ATP6V0D2: variants seen among roughly 807,000 people sequenced by gnomAD.
ATP6V0D2 encodes the protein ATPase H+ transporting V0 subunit d2.
Under a neutral mutation model 40.0 loss-of-function variants are expected in ATP6V0D2, and 40 were observed. The ratio of observed to expected loss-of-function variants is 1.00; its 90% CI spans 0.78 to 1.30. The LOEUF (loss-of-function observed/expected upper bound fraction) is 1.30, where lower values mean the gene tolerates loss of function less well. Ranked by LOEUF, ATP6V0D2 falls within the 50% of genes most tolerant of loss-of-function variation. ATP6V0D2 has a pLI of 0.00. For missense variants in ATP6V0D2, 470 were observed against 423.1 expected (o/e 1.11, Z -0.97); for synonymous variants, 179 against 156.3 (o/e 1.15, Z -1.08).
intron 3 of ATP6V0D2, among the ~76,000 whole-genome samples, chr8:86,141,209 G>A (rs1818966659): frequency 6.6e-6 from 1 of 152,176 alleles, no homozygotes; most frequent in African/African-American, 2.4e-5. Flanking sequence ...ACGGACTGGT[G>A]TTGGTCTGTG....
chr8:86,145,370 G>GAAAAGAAAAGAA (rs33955030), intron 5 of ATP6V0D2, among the ~76,000 whole-genome samples: 6 of 70,656 alleles, frequency 8.5e-5, no homozygotes, highest in African/African-American at 4.8e-4. Context: ...AGGAAGGAAG[G>GAAAAGAAAAGAA]AAGGAAAGAA....
chr8:86,114,976 G>A lies in ATP6V0D2; in HGVS notation c.302+1096G>A, dbSNP rs73688591. ...AATATCAATGAAAAAATGCTGCATAGTATAAGCCAAAGATTAGTCAAAGGG... is the reference window on the plus strand; with the variant it reads ...AATATCAATGAAAAAATGCTGCATAATATAAGCCAAAGATTAGTCAAAGGG... On this transcript the variant is annotated intron_variant, in intron 2 of 7. Coordinates refer to ENST00000285393, the MANE Select transcript of ATP6V0D2 (RefSeq NM_152565.1). Among the ~76,000 whole-genome samples, 924 of 152,278 alleles carry A rather than the reference G, an allele frequency of 6.1e-3. 11 individuals are homozygous for A. The highest frequency in any genetic ancestry group is 0.021 in the African/African-American group (889 of 41,546).
chr8:86,130,328 C>T (rs1000460072), intron 2 of ATP6V0D2, among the ~76,000 whole-genome samples: 1 of 151,930 alleles, frequency 6.6e-6, no homozygotes, highest in Non-Finnish European at 1.5e-5. Flanking sequence ...ATGTTAATAT[C>T]GATTCATTAA....
At chr8:86,135,908 C>T (rs568787352) in intron 2 of ATP6V0D2, among the ~76,000 whole-genome samples, 22 of 149,404 alleles carry the variant, frequency 1.5e-4, no homozygotes, top group Admixed American at 3.3e-4. Flanking sequence ...GCATGACCCC[C>T]TGGAGATCTA....
At chr8:86,134,537 A>G (rs1172426978) in intron 2 of ATP6V0D2, among the ~76,000 whole-genome samples, 2 of 152,222 alleles carry the variant, frequency 1.3e-5, no homozygotes, top group East Asian at 3.9e-4. Flanking sequence ...ACAGGGAAGG[A>G]AAAGACACTT....
At chr8:86,139,897 G>A (rs1014710231) in intron 3 of ATP6V0D2, among the ~76,000 whole-genome samples, 1 of 152,158 alleles carries the variant, frequency 6.6e-6, no homozygotes, top group African/African-American at 2.4e-5. Context: ...TTGTAGTAGA[G>A]AAGGAACTGG....
intron 1 of ATP6V0D2, among the ~76,000 whole-genome samples, chr8:86,101,639 C>G (rs1231610334): frequency 3.3e-5 from 5 of 152,028 alleles, no homozygotes; most frequent in African/African-American, 4.8e-5. Flanking sequence ...TCTACATAGA[C>G]AGTTAGCTGA....
chr8:86,152,609 T>C (rs1043888037), intron 7 of ATP6V0D2, among the ~76,000 whole-genome samples: 1 of 152,222 alleles, frequency 6.6e-6, no homozygotes, highest in Non-Finnish European at 1.5e-5. Flanking sequence ...TTTAATAACT[T>C]CCGTTGTCTA....
At chr8:86,133,244 A>T (rs1818850231) in intron 2 of ATP6V0D2, among the ~76,000 whole-genome samples, 1 of 151,628 alleles carries the variant, frequency 6.6e-6, no homozygotes, top group Admixed American at 6.6e-5. Context: ...GCACATACAA[A>T]AATGCCCCCA....
chr8:86,104,536 A>G (rs1384069069), intron 1 of ATP6V0D2, among the ~76,000 whole-genome samples: 1 of 152,150 alleles, frequency 6.6e-6, no homozygotes, highest in Non-Finnish European at 1.5e-5. Flanking sequence ...TTAAAAATAT[A>G]CTTCCTATAT....
Position 86,141,433 on chromosome 8 carries a change from G to A in ATP6V0D2, c.482-17G>A. The A allele has an allele frequency of 1.2e-6, 2 of 1,600,116 alleles. No homozygotes were observed. The highest frequency in any genetic ancestry group is 1.7e-6 in the Non-Finnish European group (2 of 1,171,800). ...TGCTTAAGATTCATTTTTTGGTATG[G>A]CAATTTCTGCTTTCAGCTCCATTCT... On this transcript the variant is annotated splice_polypyrimidine_tract_variant and intron_variant, in intron 3 of 7. Transcript: ENST00000285393.
intron 2 of ATP6V0D2, among the ~76,000 whole-genome samples, chr8:86,132,448 C>T (rs1818839336): frequency 6.6e-6 from 1 of 151,952 alleles, no homozygotes; most frequent in Admixed American, 6.6e-5. Flanking sequence ...ATATTTATAC[C>T]TCTTAATCTA....
intron 2 of ATP6V0D2, among the ~76,000 whole-genome samples, chr8:86,135,653 A>AT (rs1379459803): frequency 6.6e-6 from 1 of 152,204 alleles, no homozygotes; most frequent in East Asian, 1.9e-4. Flanking sequence ...ATATCCTAAA[A>AT]TTTTTGAAAT....
At chr8:86,141,257 A>G (rs78963100) in intron 3 of ATP6V0D2, among the ~76,000 whole-genome samples, 193 bp from the exon 4 acceptor site, 4 of 152,186 alleles carry the variant, frequency 2.6e-5, no homozygotes, top group Admixed American at 2.6e-4. Flanking sequence ...GGGCTTACAC[A>G]TGATAAATGC....
intron 2 of ATP6V0D2, among the ~76,000 whole-genome samples, chr8:86,123,423 G>T (rs1818698928): frequency 6.6e-6 from 1 of 152,094 alleles, no homozygotes; most frequent in Admixed American, 6.6e-5. Context: ...GAGCTGATCG[G>T]ATGTATATCT....
intron 1 of ATP6V0D2, among the ~76,000 whole-genome samples, chr8:86,104,150 T>C (rs921825876): frequency 6.6e-6 from 1 of 152,156 alleles, no homozygotes; most frequent in African/African-American, 2.4e-5. Context: ...TAGTTTGGAA[T>C]AGCAAAAGAT....
At chr8:86,149,124 G>A (rs1389670060) in intron 5 of ATP6V0D2, among the ~76,000 whole-genome samples, 1 of 150,646 alleles carries the variant, frequency 6.6e-6, no homozygotes, top group African/African-American at 2.5e-5. Flanking sequence ...GAGTGTAGTG[G>A]GGAGAAATGC....
chr8:86,120,141 T>G (rs1818649801), intron 2 of ATP6V0D2, among the ~76,000 whole-genome samples: 1 of 152,196 alleles, frequency 6.6e-6, no homozygotes, highest in Non-Finnish European at 1.5e-5. Context: ...CTCATGTCTG[T>G]AATCCCAGCA....
Position 86,130,828 on chromosome 8 carries a change from G to A in ATP6V0D2, c.303-8629G>A, listed in dbSNP as rs375873039. ...CCCATGTGCCCTATGGGGAAGCCTC[G>A]GAGCATGTCTGCTGGCCATAACGAC... On this transcript the variant is annotated intron_variant, in intron 2 of 7. Transcript: ENST00000285393. 3.9e-5 allele frequency among the ~76,000 whole-genome samples: 6 copies of A among 152,094 alleles called. No homozygotes were observed. The East Asian group carries it at 1.2e-3, about 29-fold the overall frequency.
Sources: allele counts gnomAD v4.1 joint callset (sites outside exome capture counted in the v4.1 genomes callset), GRCh38; gene constraint gnomAD v4.1.1; transcripts MANE v1.5; gene names NCBI Gene and HGNC (gene_info 2026-07-23, HGNC 2026-07-21).